Variants in COL14A1 observed in about 807,000 individuals in gnomAD.
The protein encoded by COL14A1 is collagen type XIV alpha 1 chain.
Under a neutral mutation model 230.3 loss-of-function variants are expected in COL14A1, and 136 were observed. That is an observed-to-expected ratio of 0.59 (90% CI 0.51 to 0.68). The LOEUF (loss-of-function observed/expected upper bound fraction) is 0.68. Among genes scored for constraint, COL14A1 ranks in the 30% least tolerant of loss-of-function variants. The pLI is 0.00. For synonymous variants in COL14A1, 792 were observed against 784.1 expected (o/e 1.01, Z -0.17); for missense variants, 1,976 against 2,215.8 (o/e 0.89, Z 2.17).
At chr8:120,348,255 G>A (rs1033439532) in intron 45 of COL14A1, among the ~76,000 whole-genome samples, 1 of 146,944 alleles carries the variant, frequency 6.8e-6, no homozygotes. Flanking sequence ...GTATATATAT[G>A]AAGCATATAT....
intron 28 of COL14A1, among the ~76,000 whole-genome samples, chr8:120,278,921 C>CAGACAGACAGAAAG: frequency 6.6e-6 from 1 of 151,806 alleles, no homozygotes; most frequent in South Asian, 2.1e-4. Context: ...CGATGACAGA[C>CAGACAGACAGAAAG]TGGATAAAGA....
intron 5 of COL14A1, among the ~76,000 whole-genome samples, chr8:120,184,224 GATTTATTTATTTATTT>G (rs10689956): frequency 6.6e-4 from 90 of 135,610 alleles, no homozygotes; most frequent in Admixed American, 4.4e-3. Context: ...GGGGGGAAGA[GATTTATTTATTTATTT>G]ATTTATTTAT....
rs1202712717 is a variant in COL14A1 at position 120,373,281 on chromosome 8, A to T, written c.*2050A>T. On this transcript the variant is annotated 3_prime_UTR_variant, in exon 48 of 48. Transcript: ENST00000297848. ...AGTTGTGCAAATACACTTGGCTTTG[A>T]TTTCACTTGGTGATCTAAATTTGTT... 2.6e-5 allele frequency among the ~76,000 whole-genome samples: 4 copies of T among 152,168 alleles called. No homozygotes were observed. Among genetic ancestry groups the T allele is most frequent in the Admixed American group, 2.0e-4 (3 of 15,272 alleles).
intron 5 of COL14A1, among the ~76,000 whole-genome samples, chr8:120,189,915 T>C (rs1382966608): frequency 1.3e-5 from 2 of 151,946 alleles, no homozygotes; most frequent in African/African-American, 2.4e-5. Context: ...TCCAAGTCTT[T>C]GCTATCGTGA....
chr8:120,263,587 C>G (rs1819408912), intron 24 of COL14A1, among the ~76,000 whole-genome samples: 1 of 152,186 alleles, frequency 6.6e-6, no homozygotes, highest in African/African-American at 2.4e-5. Flanking sequence ...GAAATGGCTT[C>G]TAGTCAAAGA....
intron 8 of COL14A1, among the ~76,000 whole-genome samples, chr8:120,202,876 A>G (rs1214453826): frequency 6.6e-6 from 1 of 151,606 alleles, no homozygotes; most frequent in Non-Finnish European, 1.5e-5. Flanking sequence ...TTTTCTATTT[A>G]CATTAGTAAA....
chr8:120,163,532 G>T (rs1288158805), intron 4 of COL14A1, among the ~76,000 whole-genome samples: 1 of 152,148 alleles, frequency 6.6e-6, no homozygotes, highest in Admixed American at 6.5e-5. Context: ...GGGAGGCCGA[G>T]GCGGGCGGAT....
intron 34 of COL14A1, among the ~76,000 whole-genome samples, chr8:120,296,624 C>T (rs904777380): frequency 3.9e-5 from 6 of 151,908 alleles, no homozygotes; most frequent in Admixed American, 3.9e-4. Flanking sequence ...TAATAGAGCA[C>T]ACTCTTAATA....
chr8:120,290,041 A>T (rs1820327022), intron 34 of COL14A1, among the ~76,000 whole-genome samples: 1 of 152,216 alleles, frequency 6.6e-6, no homozygotes, highest in African/African-American at 2.4e-5. Flanking sequence ...TTTATTTTCT[A>T]AGTGCATTTT....
At chr8:120,192,557 G>A (rs1816864986) in intron 5 of COL14A1, among the ~76,000 whole-genome samples, 1 of 152,076 alleles carries the variant, frequency 6.6e-6, no homozygotes, top group Admixed American at 6.6e-5. Context: ...TATCTTTGTG[G>A]CGTTCTCTGT....
At chr8:120,242,400 G>C (rs1381202315) in intron 19 of COL14A1, among the ~76,000 whole-genome samples, 1 of 152,166 alleles carries the variant, frequency 6.6e-6, no homozygotes, top group Non-Finnish European at 1.5e-5. Flanking sequence ...AAATTTAATT[G>C]GTTAGTTCCA....
At chr8:120,225,994 T>G (rs529357931) in intron 15 of COL14A1, among the ~76,000 whole-genome samples, 20 of 136,062 alleles carry the variant, frequency 1.5e-4, no homozygotes, top group South Asian at 4.3e-4. Context: ...GGTTTTTATG[T>G]TTTTTTTTTT....
At chr8:120,289,561 T>G in intron 33 of COL14A1, 47 bp from the exon 34 acceptor site, 1 of 1,543,980 alleles carries the variant, frequency 6.5e-7, no homozygotes, top group Non-Finnish European at 8.9e-7. Context: ...ATTTGGTTGA[T>G]ATTTCCTTCT....
chr8:120,240,463 C>T (rs1818578082), intron 19 of COL14A1, among the ~76,000 whole-genome samples: 1 of 152,122 alleles, frequency 6.6e-6, no homozygotes, highest in African/African-American at 2.4e-5. Context: ...AGATGCACAT[C>T]TCTATTAAAG....
intron 41 of COL14A1, 102 bp downstream of exon 41, chr8:120,332,296 A>G: frequency 8.9e-7 from 1 of 1,119,012 alleles, no homozygotes; most frequent in Non-Finnish European, 1.3e-6. Flanking sequence ...AGCCGTCTTC[A>G]CTATAGTGTG....
At chr8:120,238,969 C>T (rs1429149952) in intron 19 of COL14A1, among the ~76,000 whole-genome samples, 5 of 152,162 alleles carry the variant, frequency 3.3e-5, no homozygotes, top group Non-Finnish European at 5.9e-5. Context: ...GAGATGAACC[C>T]GGTACCTCAG....
chr8:120,213,145 A>G (rs944335354), intron 13 of COL14A1, among the ~76,000 whole-genome samples: 2 of 152,142 alleles, frequency 1.3e-5, no homozygotes, highest in African/African-American at 4.8e-5. Context: ...TTCATTTTCA[A>G]TTGAGTAAAA....
At chr8:120,204,491 A>G (rs779296592) in intron 9 of COL14A1, among the ~76,000 whole-genome samples, 7 of 152,148 alleles carry the variant, frequency 4.6e-5, no homozygotes, top group Non-Finnish European at 1.0e-4. Context: ...AAGTCGTTGC[A>G]TGTGTCAACA....
intron 20 of COL14A1, among the ~76,000 whole-genome samples, chr8:120,244,676 T>C (rs148332035): frequency 6.6e-6 from 1 of 152,254 alleles, no homozygotes; most frequent in African/African-American, 2.4e-5. Context: ...TTAAAATAAG[T>C]CTCCAATCTC....
Sources: allele counts gnomAD v4.1 joint callset (sites outside exome capture counted in the v4.1 genomes callset), GRCh38; gene constraint gnomAD v4.1.1; transcripts MANE v1.5; gene names NCBI Gene and HGNC (gene_info 2026-07-23, HGNC 2026-07-21).